Variants in PPM1B observed in about 807,000 individuals in gnomAD.
PPM1B encodes the protein protein phosphatase, Mg2+/Mn2+ dependent 1B, also known as protein phosphatase 1B.
PPM1B carries 22 observed loss-of-function variants against 43.0 expected under a neutral mutation model. The ratio of observed to expected loss-of-function variants is 0.51; its 90% CI spans 0.37 to 0.73. The LOEUF is 0.73. Among genes scored for constraint, PPM1B ranks in the 30% least tolerant of loss-of-function variants. The pLI, the probability that PPM1B is intolerant of heterozygous loss-of-function variation, is 0.00. For missense variants in PPM1B, 632 were observed against 584.2 expected (o/e 1.08, Z -0.84); for synonymous variants, 217 against 197.9 (o/e 1.10, Z -0.81).
chr2:44,239,638 C>A (rs1206084758), downstream of PPM1B, among the ~76,000 whole-genome samples: 2 of 152,144 alleles, frequency 1.3e-5, no homozygotes, highest in Non-Finnish European at 2.9e-5. Context: ...ACCCAATCAT[C>A]ATGCTTGTGA....
chr2:44,198,471 T>C (rs1322357451), intron 1 of PPM1B, among the ~76,000 whole-genome samples: 1 of 152,182 alleles, frequency 6.6e-6, no homozygotes, highest in Non-Finnish European at 1.5e-5. Context: ...TGAAGATTTT[T>C]TATTAAAGGT....
chr2:44,205,202 GTTGT>G (rs1392527388), intron 2 of PPM1B, among the ~76,000 whole-genome samples: 1 of 152,144 alleles, frequency 6.6e-6, no homozygotes, highest in Admixed American at 6.6e-5. Flanking sequence ...GGAAATGGAG[GTTGT>G]TTGATATTAA....
chr2:44,198,086 T>C (rs1668748199), intron 1 of PPM1B, among the ~76,000 whole-genome samples: 1 of 152,174 alleles, frequency 6.6e-6, no homozygotes, highest in African/African-American at 2.4e-5. Context: ...GTGCCCCCTC[T>C]AAAAAAGTGT....
chr2:44,232,259 T>A (rs1336795333), downstream of PPM1B: 1 of 1,572,828 alleles, frequency 6.4e-7, no homozygotes, highest in Non-Finnish European at 8.6e-7. Context: ...TGAAATTCAA[T>A]CCAATCTGGA....
At chr2:44,186,085 A>G (rs1558394878) in intron 1 of PPM1B, among the ~76,000 whole-genome samples, 1 of 151,156 alleles carries the variant, frequency 6.6e-6, no homozygotes, top group African/African-American at 2.4e-5. Context: ...GGTGTTTGTG[A>G]ATGAGTATGT....
At chr2:44,216,972 G>C (rs904404850) in intron 3 of PPM1B, among the ~76,000 whole-genome samples, 4 of 151,920 alleles carry the variant, frequency 2.6e-5, no homozygotes, top group Non-Finnish European at 5.9e-5. Context: ...CCAAACCAAC[G>C]AAAAGAGTAT....
downstream of PPM1B, among the ~76,000 whole-genome samples, chr2:44,244,838 TAC>T (rs57666659): frequency 1.0e-3 from 147 of 144,420 alleles, no homozygotes; most frequent in East Asian, 2.2e-3. Context: ...TATATATATA[TAC>T]ACACACACAC....
chr2:44,232,885 G>A (rs918833193), downstream of PPM1B: 1 of 972,152 alleles, frequency 1.0e-6, no homozygotes. Context: ...AATTTTACCT[G>A]TATTACCAAA....
At chr2:44,200,114 T>C (rs774964323) in intron 1 of PPM1B, among the ~76,000 whole-genome samples, 36 of 152,210 alleles carry the variant, frequency 2.4e-4, no homozygotes, top group Non-Finnish European at 8.8e-5. Flanking sequence ...TGAGCAGATA[T>C]AACAGCAAAC....
downstream of PPM1B, among the ~76,000 whole-genome samples, chr2:44,235,617 A>AG (rs1670587746): frequency 6.6e-6 from 1 of 151,278 alleles, no homozygotes; most frequent in South Asian, 2.1e-4. Flanking sequence ...AAAAAAAAAA[A>AG]AAAAAAAGAC....
rs1009589978 is a variant in PPM1B, at chr2:44,168,887, G to A, written c.-402G>A. 6.5e-6 allele frequency: 1 copy of A among 153,000 alleles called. No homozygotes were observed. The highest frequency in any genetic ancestry group is 6.5e-5 in the Admixed American group (1 of 15,284). 9.5% of individuals were successfully genotyped at this position (153,000 alleles called of 1,614,324 possible). A position where few individuals can be genotyped will look rare whatever the true frequency, so the allele number is the denominator to read the frequency against. ...CGGGGAGGGGGTTGCAAAAGGAGCC[G>A]AGCGGCTTCTGCTCAATGGCGGAAA... On this transcript the variant is annotated 5_prime_UTR_variant, in exon 1 of 6. Coordinates refer to ENST00000282412, the MANE Select transcript of PPM1B (RefSeq NM_002706.6).
At chr2:44,235,686 A>G (rs2104287631), downstream of PPM1B, among the ~76,000 whole-genome samples, 1 of 151,574 alleles carries the variant, frequency 6.6e-6, no homozygotes, top group African/African-American at 2.4e-5. Context: ...GCTTGAGGCC[A>G]GGAGTTCAAG....
rs1667170623 is a variant in PPM1B at position 44,168,948 on chromosome 2, A to G, written c.-341A>G. On this transcript the variant is annotated 5_prime_UTR_variant, in exon 1 of 6. Coordinates refer to ENST00000282412, the MANE Select transcript of PPM1B (RefSeq NM_002706.6). ...GCTCTGACGGCCTCGTTCCCCTAGC[A>G]GTTGCGGGGGAGTTTCCTGCCGGCG... 6.5e-6 allele frequency: 1 copy of G among 153,926 alleles called. No individual in the cohort carries two copies. Among genetic ancestry groups the G allele is most frequent in the Admixed American group, 6.5e-5 (1 of 15,292 alleles). 9.5% of individuals were successfully genotyped at this position (153,926 alleles called of 1,614,324 possible).
At chr2:44,183,820 G>A (rs1049823416) in intron 1 of PPM1B, among the ~76,000 whole-genome samples, 1 of 152,050 alleles carries the variant, frequency 6.6e-6, no homozygotes, top group African/African-American at 2.4e-5. Context: ...CTCACTGCAA[G>A]CTCCGCCTTC....
chr2:44,214,739 C>A, intron 3 of PPM1B, among the ~76,000 whole-genome samples: 1 of 152,126 alleles, frequency 6.6e-6, no homozygotes, highest in East Asian at 1.9e-4. Context: ...AGTAAACTGA[C>A]TGAGCAGGAT....
At chr2:44,192,948 A>G (rs1323770500) in intron 1 of PPM1B, among the ~76,000 whole-genome samples, 1 of 152,006 alleles carries the variant, frequency 6.6e-6, no homozygotes, top group Admixed American at 6.6e-5. Flanking sequence ...TATACACCAC[A>G]TTTTCTTTAT....
Position 44,201,361 on chromosome 2 carries a change from A to T in PPM1B, c.162A>T (p.Ser54=). The T allele has an allele frequency of 6.2e-7, 1 of 1,614,126 alleles. No homozygotes were observed. Among genetic ancestry groups the T allele is most frequent in the Non-Finnish European group, 8.5e-7 (1 of 1,180,016 alleles). The part of the protein sequence containing the change: ...VGIPHGLEDW[S]FFAVYDGHAG... ...TTCCTCACGGCTTGGAAGACTGGTCATTTTTTGCAGTTTATGATGGTCATG... is the reference window on the plus strand; with the variant it reads ...TTCCTCACGGCTTGGAAGACTGGTCTTTTTTTGCAGTTTATGATGGTCATG... Residue 54 remains serine (S), a synonymous_variant, in exon 2 of 6, where the codon TCA becomes TCT. Transcript: ENST00000282412. This position sits in a 1 kb window ranked among gnomAD's most constrained non-coding sequence, Gnocchi z 5.4.
At chr2:44,185,416 T>C (rs1159135273) in intron 1 of PPM1B, among the ~76,000 whole-genome samples, 4 of 152,208 alleles carry the variant, frequency 2.6e-5, no homozygotes, top group Non-Finnish European at 5.9e-5. Context: ...ACTGTATGTA[T>C]TCAGTGTGAT....
At chr2:44,216,840 G>A (rs1394147632) in intron 3 of PPM1B, among the ~76,000 whole-genome samples, 10 of 149,238 alleles carry the variant, frequency 6.7e-5, no homozygotes, top group East Asian at 2.0e-4. Context: ...CAGGAGAATC[G>A]CTTGAACCAG....
Sources: gnomAD v4.1 joint callset for allele counts (sites outside exome capture counted in the v4.1 genomes callset) on GRCh38, gnomAD v4.1.1 for gene constraint, Gnocchi (gnomAD v3.1) non-coding constraint, MANE v1.5 for transcripts, NCBI Gene and HGNC (gene_info 2026-07-23, HGNC 2026-07-21) for gene names.